SUMF1: variants seen among roughly 807,000 people sequenced by gnomAD.
The protein encoded by SUMF1 is sulfatase modifying factor 1, also known as formylglycine-generating enzyme.
A neutral mutation model predicts 47.6 loss-of-function variants in SUMF1; 48 were observed. The ratio of observed to expected loss-of-function variants is 1.01; its 90% CI spans 0.80 to 1.28. SUMF1 has a LOEUF of 1.28. Among genes scored for constraint, SUMF1 ranks in the 50% most tolerant of loss-of-function variants. The probability of loss-of-function intolerance (pLI) is 0.00; values close to 1 mark genes in which losing one functional copy is unlikely to be tolerated. For missense variants in SUMF1, 571 were observed against 485.4 expected (o/e 1.18, Z -1.66); for synonymous variants, 230 against 192.1 (o/e 1.20, Z -1.63).
intron 8 of SUMF1, chr3:4,303,747 C>A (rs575280069): frequency 6.7e-7 from 1 of 1,484,116 alleles, no homozygotes; most frequent in Non-Finnish European, 9.1e-7. Context: ...CAGTCCATTC[C>A]CTGAAGCGCA....
chr3:4,054,503 A>C (rs938627188), intron 9 of SUMF1, among the ~76,000 whole-genome samples: 2 of 152,154 alleles, frequency 1.3e-5, no homozygotes, highest in Non-Finnish European at 2.9e-5. Context: ...AACTCATGCA[A>C]ATGCTGTAGC....
chr3:4,432,331 G>T (rs1169920141), intron 3 of SUMF1, among the ~76,000 whole-genome samples: 2 of 151,558 alleles, frequency 1.3e-5, no homozygotes, highest in Non-Finnish European at 2.9e-5. Flanking sequence ...CCTACCACCT[G>T]GTTCCTCAGA....
At position 4,466,926 on chromosome 3, in the gene SUMF1, G is replaced by C. The variant is rs536078507; in HGVS notation, c.270+50C>G. 16 of 1,593,176 alleles carry C rather than the reference G, an allele frequency of 1.0e-5. No individual in the cohort carries two copies. The East Asian group carries it at 3.4e-4, about 34-fold the overall frequency. On this transcript the variant is annotated intron_variant, in intron 1 of 8. Coordinates refer to ENST00000272902, the MANE Select transcript of SUMF1 (RefSeq NM_182760.4). ...GCCTTGCTTTGCCTACTCCAACCCC[G>C]TCCAGGAACCGAGCAGCCCCCACCC...
chr3:4,240,799 A>G (rs1696518898), intron 8 of SUMF1, among the ~76,000 whole-genome samples: 1 of 151,844 alleles, frequency 6.6e-6, no homozygotes, highest in African/African-American at 2.4e-5. Context: ...AATGTAGGTT[A>G]TATTTTATTT....
Position 4,362,058 on chromosome 3 carries a change from G to T in SUMF1, c.*86C>A. The T allele has an allele frequency of 7.5e-7, 1 of 1,337,412 alleles. No individual in the cohort carries two copies. Among genetic ancestry groups the T allele is most frequent in the Non-Finnish European group, 1.1e-6 (1 of 938,180 alleles). The allele number at this position is 1,337,412 out of a possible 1,614,324, so 82.8% of individuals were successfully genotyped here. A position where few individuals can be genotyped will look rare whatever the true frequency, so the allele number is the denominator to read the frequency against. ...ACCCACCTCAGGGTGGGAATTCTTT[G>T]CATGGGATCGTTCAAAGTTCTGAGA... On this transcript the variant is annotated 3_prime_UTR_variant, in exon 9 of 9. Coordinates refer to ENST00000272902, the MANE Select transcript of SUMF1 (RefSeq NM_182760.4).
intron 8 of SUMF1, among the ~76,000 whole-genome samples, chr3:4,281,043 G>A (rs2125045735): frequency 6.6e-6 from 1 of 152,200 alleles, no homozygotes; most frequent in Non-Finnish European, 1.5e-5. Flanking sequence ...GTAACAGTGG[G>A]GGTCGGGGGG....
At chr3:4,193,947 A>G (rs544814887) in intron 8 of SUMF1, among the ~76,000 whole-genome samples, 1 of 152,326 alleles carries the variant, frequency 6.6e-6, no homozygotes, top group African/African-American at 2.4e-5. Context: ...ATTAGCTACT[A>G]TTATTGGAAT....
chr3:4,254,120 C>G (rs1336049735), intron 8 of SUMF1, among the ~76,000 whole-genome samples: 5 of 151,952 alleles, frequency 3.3e-5, no homozygotes, highest in Middle Eastern at 3.4e-3. Flanking sequence ...TGTACATCAC[C>G]ATCATCAAAG....
chr3:4,126,750 A>C (rs1356467572), intron 8 of SUMF1, among the ~76,000 whole-genome samples: 1 of 152,182 alleles, frequency 6.6e-6, no homozygotes, highest in Non-Finnish European at 1.5e-5. Context: ...GAAAGTAAAA[A>C]ACAAGACAGT....
At chr3:4,453,526 C>T (rs1240977716) in intron 1 of SUMF1, among the ~76,000 whole-genome samples, 3 of 147,938 alleles carry the variant, frequency 2.0e-5, no homozygotes, top group African/African-American at 7.5e-5. Flanking sequence ...GCCACCATGC[C>T]CAACTAATTT....
At chr3:4,401,420 C>T (rs1038639554) in intron 7 of SUMF1, among the ~76,000 whole-genome samples, 3 of 152,148 alleles carry the variant, frequency 2.0e-5, no homozygotes, top group Non-Finnish European at 4.4e-5. Flanking sequence ...AACTAGTTTA[C>T]ACTCGGTGGA....
At chr3:4,128,452 T>C (rs1434839624) in intron 8 of SUMF1, among the ~76,000 whole-genome samples, 1 of 152,158 alleles carries the variant, frequency 6.6e-6, no homozygotes, top group Non-Finnish European at 1.5e-5. Context: ...CAATCCATGC[T>C]GCCATCAGCC....
At chr3:4,155,394 C>T (rs1442475788) in intron 8 of SUMF1, among the ~76,000 whole-genome samples, 1 of 151,482 alleles carries the variant, frequency 6.6e-6, no homozygotes, top group Non-Finnish European at 1.5e-5. Context: ...ATGGAAAATG[C>T]TACGTACTTG....
intron 8 of SUMF1, among the ~76,000 whole-genome samples, chr3:4,124,911 T>C (rs1693621480): frequency 6.6e-6 from 1 of 152,100 alleles, no homozygotes; most frequent in South Asian, 2.1e-4. Context: ...ATGTGGTACA[T>C]ATAAAAAATG....
intron 8 of SUMF1, among the ~76,000 whole-genome samples, chr3:4,093,283 T>C (rs981996070): frequency 4.6e-5 from 7 of 152,152 alleles, no homozygotes; most frequent in African/African-American, 1.4e-4. Flanking sequence ...TCAACTAACA[T>C]TTGTAGATAA....
At chr3:4,204,999 C>G (rs1253521139) in intron 8 of SUMF1, among the ~76,000 whole-genome samples, 3 of 152,028 alleles carry the variant, frequency 2.0e-5, no homozygotes, top group Non-Finnish European at 4.4e-5. Flanking sequence ...TTATTTAGTT[C>G]ATTTGGTGAG....
chr3:4,322,742 T>C (rs1344146531), intron 8 of SUMF1, among the ~76,000 whole-genome samples: 2 of 151,880 alleles, frequency 1.3e-5, no homozygotes, highest in Non-Finnish European at 2.9e-5. Context: ...CATATATTGG[T>C]TGGTTGGTTG....
At chr3:4,037,749 GTTC>G (rs1694824869) in intron 9 of SUMF1, among the ~76,000 whole-genome samples, 1 of 152,186 alleles carries the variant, frequency 6.6e-6, no homozygotes, top group African/African-American at 2.4e-5. Context: ...GGTTGCCAGA[GTTC>G]TTATGTTGAT....
chr3:4,276,630 T>C (rs1697422708), intron 8 of SUMF1, among the ~76,000 whole-genome samples: 1 of 152,180 alleles, frequency 6.6e-6, no homozygotes. Context: ...TATTGCAAGA[T>C]ATAATTGATT....
Sources: gnomAD v4.1 joint callset for allele counts (sites outside exome capture counted in the v4.1 genomes callset) on GRCh38, gnomAD v4.1.1 for gene constraint, MANE v1.5 for transcripts, NCBI Gene and HGNC (gene_info 2026-07-23, HGNC 2026-07-21) for gene names.